Variants in SCAPER observed in about 807,000 individuals in gnomAD.
SCAPER encodes the protein S phase cyclin A-associated protein in the endoplasmic reticulum.
In SCAPER, 98 loss-of-function variants were observed where a neutral mutation model predicts 182.2. That is an observed-to-expected ratio of 0.54 (90% CI 0.46 to 0.64). The LOEUF (loss-of-function observed/expected upper bound fraction) is 0.64. Ranked by LOEUF, SCAPER falls within the 30% of genes least tolerant of loss-of-function variation. The pLI is 0.00. For synonymous variants in SCAPER, 605 were observed against 564.6 expected, an observed-to-expected ratio of 1.07 and a Z score of -1.01; for missense variants, 1,432 against 1,690.0, an observed-to-expected ratio of 0.85 and a Z score of 2.68.
chr15:76,552,640 G>A (rs1035638532), intron 23 of SCAPER, among the ~76,000 whole-genome samples: 2 of 152,162 alleles, frequency 1.3e-5, no homozygotes, highest in African/African-American at 4.8e-5. Flanking sequence ...GGCAGGGACA[G>A]CTGCACAGAA....
chr15:76,665,890 T>C lies in SCAPER; in HGVS notation c.2509-101A>G, dbSNP rs190650169. 5.5e-4 allele frequency: 558 copies of C among 1,018,876 alleles called. No individual in the cohort carries two copies. In the African/African-American group the frequency reaches 6.6e-3, roughly 12 times the overall value. The allele number at this position is 1,018,876 out of a possible 1,614,324, so 63.1% of individuals were successfully genotyped here. On this transcript the variant is annotated intron_variant, in intron 20 of 31. Transcript: ENST00000563290. ...GTGAGTTTAAGACATTTGATGAAAC[T>C]AAAAGTAATCTCCGTAATACACTGG... is the stretch of plus-strand genomic sequence containing the variant.
At chr15:76,578,349 T>C (rs1312728215) in intron 22 of SCAPER, among the ~76,000 whole-genome samples, 1 of 152,098 alleles carries the variant, frequency 6.6e-6, no homozygotes, top group East Asian at 1.9e-4. Flanking sequence ...CTAGGGGGAC[T>C]TGAGCAAACA....
chr15:76,644,370 C>T (rs996588460), intron 21 of SCAPER, among the ~76,000 whole-genome samples: 11 of 152,060 alleles, frequency 7.2e-5, no homozygotes, highest in African/African-American at 2.7e-4. Flanking sequence ...TTCATGTGAA[C>T]AAATAATGAT....
At chr15:76,549,995 A>G (rs2045623357) in intron 23 of SCAPER, among the ~76,000 whole-genome samples, 1 of 152,190 alleles carries the variant, frequency 6.6e-6, no homozygotes, top group Admixed American at 6.5e-5. Context: ...TAACAAAGGA[A>G]ACGGTTAATA....
Position 76,354,245 on chromosome 15 carries a change from G to T in SCAPER, c.3856-105C>A. ...ACCATGGAAAACATGCTGAAGGAGT[G>T]TAAAGAAAAAGACTCCTGACTCCGT... On this transcript the variant is annotated intron_variant, in intron 29 of 31. Coordinates refer to ENST00000563290, the MANE Select transcript of SCAPER (RefSeq NM_020843.4). This position sits in a 1 kb window ranked among gnomAD's most constrained non-coding sequence, Gnocchi z 4.4. 9.6e-7 allele frequency: 1 copy of T among 1,044,384 alleles called. No homozygotes were observed. The highest frequency in any genetic ancestry group is 1.3e-6 in the Non-Finnish European group (1 of 748,524). The allele number at this position is 1,044,384 out of a possible 1,614,324, so 64.7% of individuals were successfully genotyped here.
chr15:76,814,574 A>G (rs2066917555), intron 5 of SCAPER, among the ~76,000 whole-genome samples: 2 of 152,218 alleles, frequency 1.3e-5, no homozygotes, highest in Non-Finnish European at 2.9e-5. Flanking sequence ...AAAAGAAGGA[A>G]CTAGACCCTT....
At chr15:76,762,630 T>G (rs2062860716) in intron 14 of SCAPER, among the ~76,000 whole-genome samples, 1 of 151,960 alleles carries the variant, frequency 6.6e-6, no homozygotes, top group Non-Finnish European at 1.5e-5. Context: ...CCTTAATACC[T>G]TTTTGTCTTT....
Position 76,783,786 on chromosome 15 carries a change from C to A in SCAPER, c.773-8669G>T, listed in dbSNP as rs1045576126. The stretch of plus-strand genomic sequence containing the variant: ...TATAAACAGAAAAAAAGACAAAAAC[C>A]GCAATTATCTCAATAGATACAGAAA... On this transcript the variant is annotated intron_variant, in intron 8 of 31. Coordinates refer to ENST00000563290, the MANE Select transcript of SCAPER (RefSeq NM_020843.4). Among the ~76,000 whole-genome samples the A allele has an allele frequency of 2.0e-5, 3 of 152,034 alleles. No individual in the cohort carries two copies. In the South Asian group the frequency reaches 6.2e-4, roughly 32 times the overall value.
intron 24 of SCAPER, among the ~76,000 whole-genome samples, chr15:76,479,112 A>G (rs1489736778): frequency 1.3e-5 from 2 of 152,170 alleles, no homozygotes; most frequent in Admixed American, 1.3e-4. Flanking sequence ...ACATAATCTT[A>G]GGCTCACAAA....
chr15:76,619,545 A>G (rs2051823684), intron 22 of SCAPER, among the ~76,000 whole-genome samples: 1 of 151,932 alleles, frequency 6.6e-6, no homozygotes, highest in South Asian at 2.1e-4. Flanking sequence ...TTTTAGAGAG[A>G]GCTAATTTGT....
intron 30 of SCAPER, among the ~76,000 whole-genome samples, chr15:76,351,910 GA>G (rs937426884): frequency 6.6e-6 from 1 of 152,008 alleles, no homozygotes; most frequent in Non-Finnish European, 1.5e-5. Flanking sequence ...AACAATATAA[GA>G]AATTTTTTTT....
intron 16 of SCAPER, among the ~76,000 whole-genome samples, chr15:76,729,580 A>G (rs903550162): frequency 2.6e-5 from 4 of 152,136 alleles, no homozygotes; most frequent in African/African-American, 4.8e-5. Context: ...GTAAGAGTGG[A>G]TATCGGGTCA....
intron 21 of SCAPER, among the ~76,000 whole-genome samples, chr15:76,653,041 C>T (rs1049340364): frequency 2.0e-5 from 3 of 152,090 alleles, no homozygotes; most frequent in African/African-American, 4.8e-5. Flanking sequence ...AATACAAAAT[C>T]AATGAACAGA....
At chr15:76,490,847 T>C (rs2052228005) in intron 24 of SCAPER, among the ~76,000 whole-genome samples, 1 of 152,200 alleles carries the variant, frequency 6.6e-6, no homozygotes, top group South Asian at 2.1e-4. Context: ...GTTTCATTCT[T>C]TTGCCTGTGA....
rs2063154584 is a variant in SCAPER at position 76,766,969 on chromosome 15, A to C, written c.1368T>G (p.Ala456=). 1 of 1,609,140 alleles carries C rather than the reference A, an allele frequency of 6.2e-7. No individual in the cohort carries two copies. Among genetic ancestry groups the C allele is most frequent in the Non-Finnish European group, 8.5e-7 (1 of 1,177,892 alleles). ...CAATGTTAATATCATTGTTTTCTTC[A>C]GCTTCAATTTCTCTAGTTAACTGTT... is the stretch of plus-strand genomic sequence containing the variant. ...EEEQLTREIE[A]EENNDINIET... The change falls in exon 11 of 32, where the codon GCT becomes GCG. Residue 456 remains alanine, a synonymous_variant. Transcript: ENST00000563290.
chr15:76,831,600 G>A (rs2068490322), intron 5 of SCAPER, among the ~76,000 whole-genome samples: 2 of 149,176 alleles, frequency 1.3e-5, no homozygotes, highest in South Asian at 4.2e-4. Context: ...CACCCTACTG[G>A]TGCGCAATCA....
chr15:76,680,408 GATGATAATA>G (rs1000859796), intron 20 of SCAPER, among the ~76,000 whole-genome samples: 39 of 115,136 alleles, frequency 3.4e-4, no homozygotes, highest in Middle Eastern at 4.0e-3. Flanking sequence ...TGATGATGAT[GATGATAATA>G]ATAATAATAA....
At chr15:76,416,195 C>T (rs2045631829) in intron 26 of SCAPER, among the ~76,000 whole-genome samples, 1 of 151,900 alleles carries the variant, frequency 6.6e-6, no homozygotes, top group African/African-American at 2.4e-5. Context: ...TAAATACTGG[C>T]TGGGTGCGGT....
chr15:76,622,016 T>C (rs1249059905), intron 21 of SCAPER, among the ~76,000 whole-genome samples, 187 bp from the exon 22 acceptor site: 2 of 152,036 alleles, frequency 1.3e-5, no homozygotes, highest in Non-Finnish European at 2.9e-5. Context: ...TAAATAATAA[T>C]ACAAAAAAAG....
Sources: gnomAD v4.1 joint callset for allele counts (sites outside exome capture counted in the v4.1 genomes callset) on GRCh38, gnomAD v4.1.1 for gene constraint, Gnocchi (gnomAD v3.1) non-coding constraint, MANE v1.5 for transcripts, NCBI Gene and HGNC (gene_info 2026-07-23, HGNC 2026-07-21) for gene names.